LMBRD2: variants seen among roughly 807,000 people sequenced by gnomAD.
The protein encoded by LMBRD2 is LMBR1 domain containing 2.
A neutral mutation model predicts 94.4 loss-of-function variants in LMBRD2; 55 were observed. The observed-to-expected ratio is 0.58, with a 90% confidence interval of 0.47 to 0.73. The LOEUF (loss-of-function observed/expected upper bound fraction) is 0.73, where lower values mean the gene tolerates loss of function less well. Ranked by LOEUF, LMBRD2 falls within the 30% of genes least tolerant of loss-of-function variation. LMBRD2 has a pLI of 0.00. For synonymous variants in LMBRD2, 246 were observed against 272.4 expected, an observed-to-expected ratio of 0.90 and a Z score of 0.95; for missense variants, 640 against 831.9, an observed-to-expected ratio of 0.77 and a Z score of 2.84.
At chr5:36,126,018 T>A (rs1743999833) in intron 6 of LMBRD2, among the ~76,000 whole-genome samples, 1 of 152,128 alleles carries the variant, frequency 6.6e-6, no homozygotes, top group Admixed American at 6.5e-5. Flanking sequence ...AGATTAAGGG[T>A]CTGCATAGCA....
intron 1 of LMBRD2, among the ~76,000 whole-genome samples, chr5:36,150,215 A>G (rs1237979178): frequency 6.6e-6 from 1 of 152,248 alleles, no homozygotes; most frequent in Non-Finnish European, 1.5e-5. Context: ...GAAGTCCTAG[A>G]GAGGATCTTG....
At chr5:36,105,368 A>G (rs1743442046) in intron 16 of LMBRD2, among the ~76,000 whole-genome samples, 171 bp from the exon 17 acceptor site, 1 of 152,180 alleles carries the variant, frequency 6.6e-6, no homozygotes, top group African/African-American at 2.4e-5. Context: ...TATAAGCAGT[A>G]TAATAGAATA....
chr5:36,142,546 A>C lies in LMBRD2; in HGVS notation c.228T>G (p.Asn76Lys). 1 of 1,610,700 alleles carries C rather than the reference A, an allele frequency of 6.2e-7. No individual in the cohort carries two copies. Among genetic ancestry groups the C allele is most frequent in the East Asian group, 2.2e-5 (1 of 44,812 alleles). ...TTGCGTACAATCCTGTAATGTTGCT[A>C]TTCTCAGGAGGGCTTGAATTTGCAG... Reference protein sequence around the residue: ...HAAANSSPPENSNITGLYATA... With the variant: ...HAAANSSPPEKSNITGLYATA... Residue 76 changes from asparagine to lysine, a missense_variant, in exon 3 of 18, where the codon AAT (asparagine) becomes AAG (lysine). This residue lies in a region of LMBRD2 where 457 missense variants were observed against 642.8 expected (regional missense o/e 0.71). Transcript: ENST00000296603.
At position 36,102,453 on chromosome 5, in the gene LMBRD2, A is replaced by G. The variant is rs950259261; in HGVS notation, c.*1593T>C. On this transcript the variant is annotated 3_prime_UTR_variant, in exon 18 of 18. Transcript: ENST00000296603. ...TTATTGCTTTCTGGCCACACTTCAC[A>G]TGAAAAGACTGTATGTGTGTGTTCT... 1 of 151,806 alleles carries G rather than the reference A, an allele frequency of 6.6e-6. No homozygotes were observed. The highest frequency in any genetic ancestry group is 2.4e-5 in the African/African-American group (1 of 41,410). 9.4% of individuals were successfully genotyped at this position (151,806 alleles called of 1,614,324 possible). A position where few individuals can be genotyped will look rare whatever the true frequency, so the allele number is the denominator to read the frequency against.
intron 6 of LMBRD2, among the ~76,000 whole-genome samples, chr5:36,135,498 T>C (rs773078669): frequency 5.9e-5 from 9 of 152,118 alleles, no homozygotes; most frequent in Non-Finnish European, 1.2e-4. Context: ...TGCAAGAAAA[T>C]AGAGGCTTGG....
intron 4 of LMBRD2, among the ~76,000 whole-genome samples, chr5:36,140,549 GA>G (rs1032563682): frequency 1.3e-5 from 2 of 152,088 alleles, no homozygotes; most frequent in African/African-American, 2.4e-5. Context: ...GGAGGGGAAA[GA>G]AAAAAAGATG....
chr5:36,110,195 G>A (rs1049962351), intron 14 of LMBRD2, among the ~76,000 whole-genome samples: 1 of 152,008 alleles, frequency 6.6e-6, no homozygotes, highest in Non-Finnish European at 1.5e-5. Flanking sequence ...AGATGGCCCT[G>A]TAGTCTCCGC....
Position 36,143,387 on chromosome 5 carries a change from T to G in LMBRD2, c.-38A>C, listed in dbSNP as rs1185343124. On this transcript the variant is annotated 5_prime_UTR_variant, in exon 2 of 18. The change abolishes an upstream ATG in the 5' untranslated region. Coordinates refer to ENST00000296603, the MANE Select transcript of LMBRD2 (RefSeq NM_001007527.2). Reference sequence around the variant, plus strand: ...CACTCTGACTAACCAAAGTTATTCATGTACAGGTCTGGACCATATCTATAA... The same window carrying G: ...CACTCTGACTAACCAAAGTTATTCAGGTACAGGTCTGGACCATATCTATAA... 1 of 1,522,000 alleles carries G rather than the reference T, an allele frequency of 6.6e-7. No individual in the cohort carries two copies. Among genetic ancestry groups the G allele is most frequent in the Non-Finnish European group, 9.1e-7 (1 of 1,102,176 alleles). 94.3% of individuals were successfully genotyped at this position (1,522,000 alleles called of 1,614,324 possible).
intron 6 of LMBRD2, among the ~76,000 whole-genome samples, chr5:36,133,164 A>T (rs1434602418): frequency 6.6e-6 from 1 of 152,120 alleles, no homozygotes; most frequent in African/African-American, 2.4e-5. Flanking sequence ...GTCCATCAAC[A>T]TATGAATGGA....
intron 6 of LMBRD2, among the ~76,000 whole-genome samples, chr5:36,130,133 A>G (rs1458807893): frequency 6.6e-6 from 1 of 152,182 alleles, no homozygotes; most frequent in East Asian, 1.9e-4. Context: ...ACATGTATAC[A>G]TATGTAACAA....
At chr5:36,120,536 G>T (rs1448282954) in intron 9 of LMBRD2, among the ~76,000 whole-genome samples, 10 of 152,250 alleles carry the variant, frequency 6.6e-5, no homozygotes, top group African/African-American at 2.4e-4. Context: ...TGGGATTACA[G>T]GTGTGAGCCA....
chr5:36,149,664 T>C (rs575579298), intron 1 of LMBRD2, among the ~76,000 whole-genome samples: 1 of 152,324 alleles, frequency 6.6e-6, no homozygotes, highest in East Asian at 1.9e-4. Context: ...CTCAGCACTT[T>C]AGGAGGCTGA....
chr5:36,131,082 C>T (rs528470506), intron 6 of LMBRD2, among the ~76,000 whole-genome samples: 1 of 152,094 alleles, frequency 6.6e-6, no homozygotes, highest in East Asian at 1.9e-4. Flanking sequence ...ATGCAAAAAT[C>T]CTCAAGAAAA....
At position 36,100,437 on chromosome 5, in the gene LMBRD2, T is replaced by C. The variant is rs1743323695; in HGVS notation, c.*3609A>G. Reference sequence around the variant, plus strand: ...ATTTGTAGTCAGAACTAGTTCCTTCTGAGCGTACCACTCATCAAAAACAAC... The same window carrying C: ...ATTTGTAGTCAGAACTAGTTCCTTCCGAGCGTACCACTCATCAAAAACAAC... On this transcript the variant is annotated 3_prime_UTR_variant, in exon 18 of 18. Transcript: ENST00000296603. 1 of 152,070 alleles carries C rather than the reference T, an allele frequency of 6.6e-6. No homozygotes were observed. The highest frequency in any genetic ancestry group is 1.5e-5 in the Non-Finnish European group (1 of 67,980). The allele number at this position is 152,070 out of a possible 1,614,324, so 9.4% of individuals were successfully genotyped here.
At chr5:36,131,598 CA>C (rs1376608695) in intron 6 of LMBRD2, among the ~76,000 whole-genome samples, 1 of 151,972 alleles carries the variant, frequency 6.6e-6, no homozygotes, top group Non-Finnish European at 1.5e-5. Context: ...AAAACTCCAC[CA>C]AAAAACTATT....
intron 9 of LMBRD2, among the ~76,000 whole-genome samples, chr5:36,119,095 G>A (rs977315936): frequency 1.3e-5 from 2 of 152,138 alleles, no homozygotes; most frequent in Non-Finnish European, 2.9e-5. Context: ...TGAATAGTTA[G>A]CTTCTGGTTC....
At chr5:36,143,758 T>C (rs1002706188) in intron 1 of LMBRD2, among the ~76,000 whole-genome samples, 1 of 152,018 alleles carries the variant, frequency 6.6e-6, no homozygotes, top group African/African-American at 2.4e-5. Context: ...CCTAACAGAA[T>C]AGTTTATGCA....
rs1174696368 is a variant in LMBRD2, at chr5:36,142,615, T to C, written c.175-16A>G. On this transcript the variant is annotated splice_polypyrimidine_tract_variant and intron_variant, in intron 2 of 17. Transcript: ENST00000296603. ...TGTATATTGTCTAAAGCAACGAATG[T>C]ATGGTTTAAAAATGAGAATCAAAAG... is the stretch of plus-strand genomic sequence containing the variant. The C allele has an allele frequency of 2.1e-6, 3 of 1,455,748 alleles. No individual in the cohort carries two copies. Among genetic ancestry groups the C allele is most frequent in the Non-Finnish European group, 2.9e-6 (3 of 1,036,478 alleles). 90.2% of individuals were successfully genotyped at this position (1,455,748 alleles called of 1,614,324 possible).
chr5:36,133,656 G>T (rs894450528), intron 6 of LMBRD2, among the ~76,000 whole-genome samples: 1 of 152,060 alleles, frequency 6.6e-6, no homozygotes, highest in Non-Finnish European at 1.5e-5. Flanking sequence ...TGCTATCTAT[G>T]TGTACTTACT....
Sources: allele counts gnomAD v4.1 joint callset (sites outside exome capture counted in the v4.1 genomes callset), GRCh38; gene constraint gnomAD v4.1.1; regional missense constraint gnomAD v4.1.1; transcripts MANE v1.5; gene names NCBI Gene and HGNC (gene_info 2026-07-23, HGNC 2026-07-21).